Variants in FAM178B observed in about 807,000 individuals in gnomAD.
FAM178B encodes family with sequence similarity 178 member B, also known as protein FAM178B.
A neutral mutation model predicts 91.7 loss-of-function variants in FAM178B; 82 were observed. That is an observed-to-expected ratio of 0.89 (90% confidence interval 0.75 to 1.07). The LOEUF is 1.07. Ranked by LOEUF, FAM178B falls within the 50% of genes least tolerant of loss-of-function variation. The pLI, the probability that FAM178B is intolerant of heterozygous loss-of-function variation, is 0.00. For missense variants in FAM178B, 769 were observed against 846.7 expected (o/e 0.91, Z 1.14); for synonymous variants, 368 against 359.4 (o/e 1.02, Z -0.27).
intron 9 of FAM178B, among the ~76,000 whole-genome samples, chr2:96,925,263 G>A (rs2081417883): frequency 6.6e-6 from 1 of 152,186 alleles, no homozygotes; most frequent in Non-Finnish European, 1.5e-5. Flanking sequence ...CATTGAAGGT[G>A]TGAGGTGGTT....
chr2:96,878,554 C>T (rs73960682), intron 14 of FAM178B, 61 bp from the exon 15 acceptor site: 1 of 1,496,668 alleles, frequency 6.7e-7, no homozygotes, highest in African/African-American at 1.4e-5. Flanking sequence ...CATGGCGTGC[C>T]CTCCACCTGC....
At chr2:96,937,052 T>TTTG (rs143294079) in intron 8 of FAM178B, among the ~76,000 whole-genome samples, 141 of 119,148 alleles carry the variant, frequency 1.2e-3, no homozygotes, top group African/African-American at 4.3e-3. Flanking sequence ...ATGCCCAGGT[T>TTTG]TTGTTGTTGT....
intron 9 of FAM178B, 35 bp from the exon 10 acceptor site, chr2:96,923,618 C>A (rs559767583): frequency 6.6e-7 from 1 of 1,515,864 alleles, no homozygotes; most frequent in Non-Finnish European, 9.0e-7. Flanking sequence ...GATGGGAAAC[C>A]CAGGAGGGGG....
Position 96,897,210 on chromosome 2 carries a change from C to T in FAM178B, c.1651-3159G>A, listed in dbSNP as rs891700413. ...TTTTTATCACCTATTCCCCCCCACT[C>T]CCTGGAATGTAAACTCTCTGAGGGC... On this transcript the variant is annotated intron_variant, in intron 13 of 16. Transcript: ENST00000490605. 3.9e-5 allele frequency among the ~76,000 whole-genome samples: 6 copies of T among 152,162 alleles called. 1 individual carries two copies. Among genetic ancestry groups the T allele is most frequent in the Non-Finnish European group, 8.8e-5 (6 of 68,032 alleles).
At chr2:96,947,522 G>C (rs539836731) in intron 8 of FAM178B, among the ~76,000 whole-genome samples, 1 of 152,198 alleles carries the variant, frequency 6.6e-6, no homozygotes, top group Non-Finnish European at 1.5e-5. Context: ...CCTAGAGACT[G>C]TCTCAGTCTG....
intron 8 of FAM178B, among the ~76,000 whole-genome samples, chr2:96,941,405 A>G (rs1349088601): frequency 6.6e-6 from 1 of 152,220 alleles, no homozygotes; most frequent in East Asian, 1.9e-4. Flanking sequence ...AGGAATAAAG[A>G]AAGGAAGGGA....
intron 13 of FAM178B, among the ~76,000 whole-genome samples, chr2:96,895,853 G>A (rs544899982): frequency 1.7e-4 from 26 of 152,306 alleles, no homozygotes; most frequent in Middle Eastern, 3.4e-3. Flanking sequence ...CACATCAGCC[G>A]GTTATGGGCT....
Position 96,967,595 on chromosome 2 carries a change from A to G in FAM178B, c.659T>C (p.Leu220Pro), listed in dbSNP as rs2153375457. The stretch of plus-strand genomic sequence containing the variant: ...GAGATTGAGACACTCCTGCAGAAGC[A>G]GCCTCTCTCGCTCCTGCTCCAGGGC... ...EQALEQERER[L>P]LLQECLNLNS... Residue 220 changes from leucine to proline, a missense_variant, in exon 5 of 17, where the codon CTG becomes CCG. Transcript: ENST00000490605. 1.9e-6 allele frequency: 3 copies of G among 1,550,470 alleles called. No homozygotes were observed. In the East Asian group the frequency reaches 7.3e-5, roughly 38 times the overall value.
chr2:96,981,364 T>A (rs2082358037), intron 1 of FAM178B, among the ~76,000 whole-genome samples: 1 of 152,206 alleles, frequency 6.6e-6, no homozygotes, highest in African/African-American at 2.4e-5. Context: ...TCAATCATCA[T>A]GCTTATGAAC....
chr2:96,927,799 C>T (rs2081468982), intron 9 of FAM178B, among the ~76,000 whole-genome samples: 1 of 152,210 alleles, frequency 6.6e-6, no homozygotes, highest in Non-Finnish European at 1.5e-5. Context: ...GCCTCCCACT[C>T]CCAGGAGGAC....
intron 9 of FAM178B, among the ~76,000 whole-genome samples, chr2:96,928,984 G>A (rs565561921): frequency 1.0e-3 from 152 of 150,088 alleles, no homozygotes; most frequent in African/African-American, 3.1e-3. Context: ...ACCCCCCCCC[G>A]CCACCTCTAC....
At chr2:96,954,340 G>A (rs994832919) in intron 6 of FAM178B, among the ~76,000 whole-genome samples, 16 of 152,220 alleles carry the variant, frequency 1.1e-4, no homozygotes, top group African/African-American at 1.9e-4. Context: ...CACCCTCGCC[G>A]CCCACTGGAG....
chr2:96,883,623 G>A (rs369640240), intron 14 of FAM178B, among the ~76,000 whole-genome samples: 4 of 152,304 alleles, frequency 2.6e-5, no homozygotes, highest in South Asian at 2.1e-4. Context: ...GTGTGTGTTG[G>A]GGGGAGAACC....
rs55924441 is a variant in FAM178B at position 96,958,697 on chromosome 2, TAAAAAAAAAAAAAAAAAAAAAAAAA to T, written c.887+1566_887+1590del. Among the ~76,000 whole-genome samples the T allele has an allele frequency of 9.0e-5, 5 of 55,534 alleles. No homozygotes were observed. The South Asian group carries it at 5.1e-3, about 57-fold the overall frequency. 36.4% of individuals were successfully genotyped at this position (55,534 alleles called of 152,430 possible). A position where few individuals can be genotyped will look rare whatever the true frequency, so the allele number is the denominator to read the frequency against. On this transcript the variant is annotated intron_variant, in intron 6 of 16. Coordinates refer to ENST00000490605, the MANE Select transcript of FAM178B (RefSeq NM_001122646.3). The stretch of plus-strand genomic sequence containing the variant: ...AGAGTGAGACTCCATCTCAAAATAC[TAAAAAAAAAAAAAAAAAAAAAAAAA>T]AAAAAAAAAAAAAAAAAATTGAAAT...
intron 5 of FAM178B, among the ~76,000 whole-genome samples, chr2:96,961,798 TA>T (rs1466974642): frequency 6.6e-6 from 1 of 152,054 alleles, no homozygotes; most frequent in Non-Finnish European, 1.5e-5. Flanking sequence ...TGACCCAAGG[TA>T]CGGCCCTGAC....
intron 12 of FAM178B, among the ~76,000 whole-genome samples, chr2:96,920,005 G>A (rs144527730): frequency 0.011 from 1,646 of 152,306 alleles, 12 homozygotes; most frequent in Non-Finnish European, 0.019. Flanking sequence ...GAACAGTGCA[G>A]GGGAAGGGAA....
intron 8 of FAM178B, among the ~76,000 whole-genome samples, chr2:96,940,866 A>C (rs1384556213): frequency 1.3e-5 from 2 of 152,152 alleles, no homozygotes; most frequent in Non-Finnish European, 2.9e-5. Flanking sequence ...ATATGTATTA[A>C]TTTTTTGTTT....
chr2:96,891,853 A>G (rs1337620407), intron 14 of FAM178B, among the ~76,000 whole-genome samples: 1 of 152,194 alleles, frequency 6.6e-6, no homozygotes, highest in Non-Finnish European at 1.5e-5. Context: ...AGGCGTCAAA[A>G]GGCAGAGGCT....
intron 8 of FAM178B, among the ~76,000 whole-genome samples, chr2:96,939,673 G>A (rs948555600): frequency 2.0e-5 from 3 of 152,148 alleles, no homozygotes; most frequent in Non-Finnish European, 4.4e-5. Flanking sequence ...GAGTCAGAGA[G>A]GGTGAGGTAA....
Sources: allele counts gnomAD v4.1 joint callset (sites outside exome capture counted in the v4.1 genomes callset), GRCh38; gene constraint gnomAD v4.1.1; transcripts MANE v1.5; gene names NCBI Gene and HGNC (gene_info 2026-07-23, HGNC 2026-07-21).